RIT2: variants seen among roughly 807,000 people sequenced by gnomAD.
RIT2 encodes Ras like without CAAX 2.
In RIT2, 24 loss-of-function variants were observed where a neutral mutation model predicts 23.7. That is an observed-to-expected ratio of 1.01 (90% confidence interval 0.73 to 1.43). The LOEUF (loss-of-function observed/expected upper bound fraction) is 1.43. RIT2 is among the 40% of genes most tolerant of loss of function. The pLI is 0.00. For missense variants in RIT2, 236 were observed against 266.9 expected (o/e 0.88, Z 0.81); for synonymous variants, 107 against 91.1 (o/e 1.17, Z -0.99).
intron 4 of RIT2, among the ~76,000 whole-genome samples, chr18:42,863,032 GTT>G (rs397858419): frequency 2.1e-5 from 3 of 143,906 alleles, no homozygotes; most frequent in African/African-American, 7.5e-5. Flanking sequence ...CATGCCTCCT[GTT>G]TTTTTTTTTT....
chr18:43,035,566 T>A (rs1911955296), intron 1 of RIT2, among the ~76,000 whole-genome samples: 1 of 152,158 alleles, frequency 6.6e-6, no homozygotes, highest in Non-Finnish European at 1.5e-5. Flanking sequence ...TAACCCAGAT[T>A]TAGCAAGAAT....
chr18:42,802,775 C>T (rs1187932050), intron 4 of RIT2, among the ~76,000 whole-genome samples: 1 of 152,126 alleles, frequency 6.6e-6, no homozygotes, highest in African/African-American at 2.4e-5. Flanking sequence ...TTTCATACTT[C>T]CTCACTTTCT....
chr18:42,842,642 T>C (rs527872460), intron 4 of RIT2, among the ~76,000 whole-genome samples: 2 of 152,202 alleles, frequency 1.3e-5, no homozygotes, highest in African/African-American at 2.4e-5. Context: ...TTATTACAGA[T>C]TGAGCATCCC....
intron 4 of RIT2, among the ~76,000 whole-genome samples, chr18:42,788,613 T>G (rs1598654084): frequency 6.6e-6 from 1 of 152,282 alleles, no homozygotes; most frequent in African/African-American, 2.4e-5. Flanking sequence ...CCACCAATTT[T>G]GTCAGAAAAG....
chr18:42,940,964 C>A (rs1909587486), intron 3 of RIT2, among the ~76,000 whole-genome samples: 1 of 152,090 alleles, frequency 6.6e-6, no homozygotes, highest in African/African-American at 2.4e-5. Flanking sequence ...AAACAAAGGT[C>A]CCATTTATTC....
At chr18:42,847,817 A>G (rs1002826194) in intron 4 of RIT2, among the ~76,000 whole-genome samples, 1 of 151,830 alleles carries the variant, frequency 6.6e-6, no homozygotes, top group African/African-American at 2.4e-5. Context: ...TATAAGTTAA[A>G]TGAAGGATAA....
intron 2 of RIT2, among the ~76,000 whole-genome samples, chr18:43,002,596 G>T (rs1911132697): frequency 6.6e-6 from 1 of 151,914 alleles, no homozygotes; most frequent in Admixed American, 6.6e-5. Flanking sequence ...ACTAGTCCCT[G>T]CAAGGTATCC....
intron 3 of RIT2, among the ~76,000 whole-genome samples, chr18:42,929,853 T>G (rs1489938832): frequency 2.0e-5 from 3 of 152,064 alleles, no homozygotes; most frequent in African/African-American, 4.8e-5. Flanking sequence ...GAAGACTCCA[T>G]GGACAGGTGC....
chr18:43,021,755 G>C (rs1911602871), intron 2 of RIT2, among the ~76,000 whole-genome samples: 1 of 152,024 alleles, frequency 6.6e-6, no homozygotes, highest in South Asian at 2.1e-4. Context: ...CCCAAAAGCA[G>C]AAGCCACCAT....
Position 42,856,986 on chromosome 18 carries a change from G to A in RIT2, c.426+66586C>T, listed in dbSNP as rs906489865. 7.2e-5 allele frequency among the ~76,000 whole-genome samples: 11 copies of A among 151,740 alleles called. No individual in the cohort carries two copies. The East Asian group carries it at 1.4e-3, about 19-fold the overall frequency. On this transcript the variant is annotated intron_variant, in intron 4 of 4. Coordinates refer to ENST00000326695, the MANE Select transcript of RIT2 (RefSeq NM_002930.4). ...TGGGACCACAGGCACCCGCCACCAC[G>A]CCCGGCTAATTTTTTGTATTTTTAG...
chr18:42,944,422 T>A (rs1467860271), intron 3 of RIT2, among the ~76,000 whole-genome samples: 1 of 152,108 alleles, frequency 6.6e-6, no homozygotes, highest in African/African-American at 2.4e-5. Context: ...TTTCCTATAT[T>A]TGCAGCAATG....
At chr18:42,803,548 G>A (rs1301430351) in intron 4 of RIT2, among the ~76,000 whole-genome samples, 2 of 152,172 alleles carry the variant, frequency 1.3e-5, no homozygotes, top group Non-Finnish European at 2.9e-5. Flanking sequence ...CAGCTTTCCT[G>A]TTAGTTTTCT....
At chr18:42,984,561 A>C (rs1910667046) in intron 2 of RIT2, among the ~76,000 whole-genome samples, 1 of 152,068 alleles carries the variant, frequency 6.6e-6, no homozygotes, top group Admixed American at 6.6e-5. Context: ...AAGGGATATG[A>C]GATGTTTCTG....
At chr18:42,839,242 A>G (rs976645645) in intron 4 of RIT2, among the ~76,000 whole-genome samples, 2 of 152,146 alleles carry the variant, frequency 1.3e-5, no homozygotes, top group African/African-American at 4.8e-5. Context: ...ATGCATAACT[A>G]TAGACACCCA....
chr18:43,081,989 C>A (rs1458221938), intron 1 of RIT2, among the ~76,000 whole-genome samples: 1 of 152,094 alleles, frequency 6.6e-6, no homozygotes, highest in Non-Finnish European at 1.5e-5. Context: ...TACTCTAAGA[C>A]AACATAACTT....
chr18:42,783,172 T>C (rs1323486671), intron 4 of RIT2, among the ~76,000 whole-genome samples: 1 of 152,120 alleles, frequency 6.6e-6, no homozygotes, highest in Non-Finnish European at 1.5e-5. Context: ...AATTGTGTAA[T>C]GTGTGTGTAT....
intron 3 of RIT2, among the ~76,000 whole-genome samples, chr18:42,936,900 T>A (rs1466492407): frequency 6.6e-6 from 1 of 151,780 alleles, no homozygotes; most frequent in Non-Finnish European, 1.5e-5. Context: ...TAACCCCAGC[T>A]ACTCAGGAAA....
chr18:42,769,795 A>T (rs116764702), intron 4 of RIT2, among the ~76,000 whole-genome samples: 2,320 of 150,714 alleles, frequency 0.015, 72 homozygotes, highest in African/African-American at 0.054. Context: ...ACCACCATAC[A>T]TATGTAAGTA....
chr18:43,039,646 C>G (rs1321075262), intron 1 of RIT2, among the ~76,000 whole-genome samples: 1 of 152,166 alleles, frequency 6.6e-6, no homozygotes, highest in African/African-American at 2.4e-5. Flanking sequence ...CCACACCTGA[C>G]CTCTGCTTTA....
Sources: allele counts gnomAD v4.1 joint callset (sites outside exome capture counted in the v4.1 genomes callset), GRCh38; gene constraint gnomAD v4.1.1; transcripts MANE v1.5; gene names NCBI Gene and HGNC (gene_info 2026-07-23, HGNC 2026-07-21).